VPS13D: variants seen among roughly 807,000 people sequenced by gnomAD.
VPS13D encodes vacuolar protein sorting 13 homolog D.
Under a neutral mutation model 461.9 loss-of-function variants are expected in VPS13D, and 187 were observed. That is an observed-to-expected ratio of 0.40 (90% CI 0.36 to 0.46). The LOEUF is 0.46. Ranked by LOEUF, VPS13D falls within the 20% of genes least tolerant of loss-of-function variation. The pLI, the probability that VPS13D is intolerant of heterozygous loss-of-function variation, is 0.60. For missense variants in VPS13D, 4,711 were observed against 5,364.9 expected, an observed-to-expected ratio of 0.88 and a Z score of 3.81; for synonymous variants, 1,951 against 1,986.3, an observed-to-expected ratio of 0.98 and a Z score of 0.47.
chr1:12,341,344 C>T (rs1461204582), intron 40 of VPS13D, among the ~76,000 whole-genome samples: 2 of 152,156 alleles, frequency 1.3e-5, no homozygotes, highest in Admixed American at 6.5e-5. Context: ...CATACTATGA[C>T]TGTAGGGTAA....
At chr1:12,327,908 AATT>A (rs1269975379) in intron 36 of VPS13D, 54 bp downstream of exon 36, 11 of 1,554,136 alleles carry the variant, frequency 7.1e-6, no homozygotes, top group Non-Finnish European at 9.6e-6. Flanking sequence ...GTCATTGCTG[AATT>A]ATTTGGGGCC....
At chr1:12,449,254 T>C (rs1645231650) in intron 65 of VPS13D, among the ~76,000 whole-genome samples, 1 of 152,192 alleles carries the variant, frequency 6.6e-6, no homozygotes, top group Non-Finnish European at 1.5e-5. Flanking sequence ...TCCTCCCCTT[T>C]TTTTCTCTTT....
intron 7 of VPS13D, among the ~76,000 whole-genome samples, chr1:12,255,384 G>T (rs1038135424): frequency 6.6e-6 from 1 of 152,066 alleles, no homozygotes; most frequent in African/African-American, 2.4e-5. Context: ...ACAAACTAAG[G>T]TAAAAACAGC....
chr1:12,410,142 G>A (rs1644704688), intron 63 of VPS13D, among the ~76,000 whole-genome samples: 2 of 152,196 alleles, frequency 1.3e-5, no homozygotes, highest in African/African-American at 2.4e-5. Context: ...CCAATAATCT[G>A]AGGTACTTTC....
intron 60 of VPS13D, among the ~76,000 whole-genome samples, chr1:12,392,543 G>C (rs1267423437): frequency 6.7e-5 from 8 of 119,598 alleles, no homozygotes; most frequent in Non-Finnish European, 1.4e-4. Flanking sequence ...TTGTATAAAT[G>C]TTAAAAAAAA....
At chr1:12,503,096 C>A (rs1178906330) in intron 68 of VPS13D, among the ~76,000 whole-genome samples, 2 of 152,182 alleles carry the variant, frequency 1.3e-5, no homozygotes, top group African/African-American at 4.8e-5. Context: ...GTTGATGCTA[C>A]CATGGCTGCT....
chr1:12,304,208 T>C (rs921650534), intron 25 of VPS13D, among the ~76,000 whole-genome samples: 15 of 152,356 alleles, frequency 9.8e-5, no homozygotes, highest in African/African-American at 3.6e-4. Context: ...CTTGAAGCAA[T>C]TGGCATCTTC....
intron 21 of VPS13D, among the ~76,000 whole-genome samples, chr1:12,285,803 A>G (rs1641948566): frequency 6.6e-6 from 1 of 152,158 alleles, no homozygotes; most frequent in African/African-American, 2.4e-5. Context: ...TGAATGGTTT[A>G]AGAAACTTCT....
chr1:12,230,359 TCCGA>T (rs1639921917), intron 1 of VPS13D, among the ~76,000 whole-genome samples: 1 of 152,052 alleles, frequency 6.6e-6, no homozygotes, highest in Non-Finnish European at 1.5e-5. Context: ...GACCCCTGCG[TCCGA>T]GTCCCCGCGA....
intron 67 of VPS13D, 92 bp from the exon 68 acceptor site, chr1:12,497,408 G>C: frequency 1.4e-6 from 2 of 1,444,272 alleles, no homozygotes; most frequent in Non-Finnish European, 1.9e-6. Context: ...AGTATGTCTC[G>C]TATTACAGAG....
intron 65 of VPS13D, among the ~76,000 whole-genome samples, chr1:12,449,534 T>C (rs1645234958): frequency 6.6e-6 from 1 of 152,186 alleles, no homozygotes; most frequent in African/African-American, 2.4e-5. Context: ...TTAACTCTTC[T>C]CTGTTTATGA....
Position 12,311,814 on chromosome 1 carries a change from C to G in VPS13D, c.6824C>G (p.Thr2275Ser). 1 of 1,612,992 alleles carries G rather than the reference C, an allele frequency of 6.2e-7. No individual in the cohort carries two copies. Among genetic ancestry groups the G allele is most frequent in the Non-Finnish European group, 8.5e-7 (1 of 1,179,420 alleles). Reference protein sequence around the residue: ...PYDLQDPRIHTVLSGEVYTCM... With the variant: ...PYDLQDPRIHSVLSGEVYTCM... ...TTGACGAGCATTTTCCTTTTGTAGA[C>G]TGTCCTGAGTGGAGAAGTGTACACC... is the stretch of plus-strand genomic sequence containing the variant. The change falls in exon 29 of 70, where the codon ACT (threonine) becomes AGT (serine). Residue 2275 changes from threonine (T) to serine (S), a missense_variant and splice_region_variant. Transcript: ENST00000620676.
Position 12,322,626 on chromosome 1 carries a change from G to A in VPS13D, c.7795G>A (p.Ala2599Thr). Residue 2599 changes from alanine to threonine, a missense_variant, in exon 34 of 70, where the codon GCT (alanine) becomes ACT (threonine). By Grantham distance (58) the Ala-to-Thr change is moderately conservative (BLOSUM62 0). Around this residue, in one of 3 missense-constraint regions of VPS13D, gnomAD observed 4,411 missense variants for 4,937.8 expected, o/e 0.89. Coordinates refer to ENST00000620676, the MANE Select transcript of VPS13D (RefSeq NM_015378.4). ...AAAATCCATCCCAGAGCAAGCTAAT[G>A]CTGCAGTGCCAGACTCAGTGGCCCT... Reference protein sequence around the residue: ...IAKSIPEQANAAVPDSVALES... With the variant: ...IAKSIPEQANTAVPDSVALES... 1 of 1,614,184 alleles carries A rather than the reference G, an allele frequency of 6.2e-7. No individual in the cohort carries two copies. The highest frequency in any genetic ancestry group is 1.3e-5 in the African/African-American group (1 of 75,038).
chr1:12,472,526 G>T (rs1028023028), intron 67 of VPS13D, among the ~76,000 whole-genome samples: 3 of 152,174 alleles, frequency 2.0e-5, no homozygotes, highest in Admixed American at 6.5e-5. Flanking sequence ...TTAGCTTTCT[G>T]CTTTGTGGCT....
At position 12,277,679 on chromosome 1, in the gene VPS13D, A is replaced by G. The variant is rs1419058561; in HGVS notation, c.4091A>G (p.Asp1364Gly). 1.9e-6 allele frequency: 3 copies of G among 1,614,082 alleles called. No individual in the cohort carries two copies. The African/African-American group carries it at 4.0e-5, about 22-fold the overall frequency. Reference protein sequence around the residue: ...ILEENEIYGFDLASSHLDTVK... With the variant: ...ILEENEIYGFGLASSHLDTVK... ...GAGGAAAATGAAATATATGGGTTTGACCTAGCTTCGTCTCATTTGGACACT... is the reference window on the plus strand; with the variant it reads ...GAGGAAAATGAAATATATGGGTTTGGCCTAGCTTCGTCTCATTTGGACACT... Residue 1364 changes from aspartate to glycine, a missense_variant, in exon 19 of 70, where the codon GAC (aspartate) becomes GGC (glycine). Transcript: ENST00000620676.
rs541801125 is a variant in VPS13D, at chr1:12,240,197, G to T, written c.98-2316G>T. On this transcript the variant is annotated intron_variant, in intron 2 of 69. Transcript: ENST00000620676. ...TCTTATGCTTCAGCTTTAATTTTTCGTGGTGCGAGTTGCCTGCAATTCCCT... is the reference window on the plus strand; with the variant it reads ...TCTTATGCTTCAGCTTTAATTTTTCTTGGTGCGAGTTGCCTGCAATTCCCT... 2.0e-5 allele frequency among the ~76,000 whole-genome samples: 3 copies of T among 151,762 alleles called. No individual in the cohort carries two copies. The East Asian group carries it at 5.8e-4, about 29-fold the overall frequency.
In VPS13D at chr1:12,276,125, C is replaced by T. The variant is rs137927165; in HGVS notation, c.2537C>T (p.Thr846Ile). The T allele has an allele frequency of 1.2e-5, 20 of 1,613,966 alleles. No individual in the cohort carries two copies. The highest frequency in any genetic ancestry group is 1.5e-5 in the Non-Finnish European group (18 of 1,180,034). Residue 846 changes from threonine to isoleucine, a missense_variant, in exon 19 of 70, where the codon ACA (threonine) becomes ATA (isoleucine). Physicochemically the swap from Thr to Ile is moderately conservative, Grantham distance 89 (BLOSUM62 -1). This residue lies in a region of VPS13D where 4,411 missense variants were observed against 4,937.8 expected (regional missense o/e 0.89). Transcript: ENST00000620676. The surrounding 1 kb of genome is among the most constrained non-coding windows in gnomAD (Gnocchi z 4.5). ...GTCCAGGATATTGACGTGGGACCAA[C>T]ACATGTGGTAGAGAAGTTCAACGTT... ...KHVQDIDVGPTHVVEKFNVHL... is the reference protein window; with the variant it reads ...KHVQDIDVGPIHVVEKFNVHL...
Position 12,260,761 on chromosome 1 carries a change from T to C in VPS13D, c.1179T>C (p.His393=). The C allele has an allele frequency of 1.2e-6, 2 of 1,614,190 alleles. No individual in the cohort carries two copies. The highest frequency in any genetic ancestry group is 1.7e-5 in the Admixed American group (1 of 60,022). ...EELKILRELV[H]DRFHKQEELA... ...TGAAGATTTTGCGTGAACTGGTTCA[T>C]GATCGATTTCACAAACAGGAAGAAC... Residue 393 remains histidine (H), a synonymous_variant, in exon 11 of 70, where the codon CAT becomes CAC. Transcript: ENST00000620676.
At chr1:12,240,527 G>A (rs546567215) in intron 2 of VPS13D, among the ~76,000 whole-genome samples, 14 of 150,252 alleles carry the variant, frequency 9.3e-5, no homozygotes, top group Non-Finnish European at 1.6e-4. Context: ...CCCAGGAGGC[G>A]GAGTTTGCAG....
Sources: gnomAD v4.1 joint callset for allele counts (sites outside exome capture counted in the v4.1 genomes callset) on GRCh38, gnomAD v4.1.1 for gene constraint, gnomAD v4.1.1 regional missense constraint, Gnocchi (gnomAD v3.1) non-coding constraint, MANE v1.5 for transcripts, NCBI Gene and HGNC (gene_info 2026-07-23, HGNC 2026-07-21) for gene names.